AKAP9: variants seen among roughly 807,000 people sequenced by gnomAD.
AKAP9 encodes the protein A-kinase anchoring protein 9.
Under a neutral mutation model 488.5 loss-of-function variants are expected in AKAP9, and 311 were observed. The ratio of observed to expected loss-of-function variants is 0.64; its 90% CI spans 0.58 to 0.70. The LOEUF (loss-of-function observed/expected upper bound fraction) is 0.70, where lower values mean the gene tolerates loss of function less well. Among genes scored for constraint, AKAP9 ranks in the 30% least tolerant of loss-of-function variants. The pLI is 0.00. For synonymous variants in AKAP9, 1,462 were observed against 1,483.5 expected (o/e 0.99, Z 0.33); for missense variants, 4,215 against 4,374.5 (o/e 0.96, Z 1.03).
At chr7:92,066,584 T>G in intron 26 of AKAP9, 38 bp downstream of exon 26, 2 of 1,609,974 alleles carry the variant, frequency 1.2e-6, no homozygotes, top group East Asian at 2.2e-5. Flanking sequence ...TTACAGTAAT[T>G]TGTATCAAGT....
intron 8 of AKAP9, among the ~76,000 whole-genome samples, chr7:92,005,550 T>C (rs1393800229): frequency 6.6e-6 from 1 of 152,226 alleles, no homozygotes; most frequent in Non-Finnish European, 1.5e-5. Flanking sequence ...ATCATATTTA[T>C]GATCTTATAT....
chr7:92,107,733 C>T (rs1336124105), intron 48 of AKAP9: 1 of 280,132 alleles, frequency 3.6e-6, no homozygotes, highest in Non-Finnish European at 7.0e-6. Flanking sequence ...CGCCTGTGGT[C>T]CCAGCTACTT....
chr7:91,999,256 C>T (rs192712795), intron 7 of AKAP9, among the ~76,000 whole-genome samples: 296 of 152,244 alleles, frequency 1.9e-3, no homozygotes, highest in African/African-American at 6.6e-3. Flanking sequence ...GACAGAGTCT[C>T]GCTCTGTCTC....
At chr7:91,991,305 T>TA (rs11437285) in intron 3 of AKAP9, among the ~76,000 whole-genome samples, 62,745 of 151,734 alleles carry the variant, frequency 0.41, 13,447 homozygotes, top group African/African-American at 0.51. Flanking sequence ...ATCTTTTAAT[T>TA]AAAAAAATTT....
At chr7:92,000,748 A>G (rs1799051334) in intron 7 of AKAP9, 100 bp from the exon 8 acceptor site, 7 of 667,628 alleles carry the variant, frequency 1.0e-5, no homozygotes, top group Non-Finnish European at 1.7e-5. Flanking sequence ...GAATTTTTTA[A>G]AAGAGAAACT....
chr7:92,077,976 AATTTT>A (rs553954803), intron 30 of AKAP9, 101 bp downstream of exon 30: 23 of 766,476 alleles, frequency 3.0e-5, no homozygotes, highest in Non-Finnish European at 3.9e-5. Flanking sequence ...AAAACAAACC[AATTTT>A]ATTTTATTTT....
chr7:92,040,412 A>G (rs1438115733), intron 17 of AKAP9, among the ~76,000 whole-genome samples: 3 of 152,164 alleles, frequency 2.0e-5, no homozygotes, highest in Non-Finnish European at 4.4e-5. Context: ...TTCTATTAGA[A>G]TTAGATTAAG....
At chr7:92,066,641 C>A in intron 26 of AKAP9, 95 bp downstream of exon 26, 1 of 1,451,916 alleles carries the variant, frequency 6.9e-7, no homozygotes, top group Non-Finnish European at 9.6e-7. Context: ...GGATTCTTTC[C>A]TTTGTATGTA....
chr7:91,945,144 T>G (rs377485128), intron 1 of AKAP9, among the ~76,000 whole-genome samples: 4 of 152,292 alleles, frequency 2.6e-5, no homozygotes, highest in African/African-American at 9.6e-5. Flanking sequence ...GAGGATCGCT[T>G]GAGCCCAGAG....
In AKAP9 at chr7:92,102,749, T is replaced by A; in HGVS notation, c.11253T>A (p.Asp3751Glu). ...TGGGGGGGCAGCCAGCTTTCACGGA[T>A]CTAGAGGTGATCACCAATCGCCCAA... ...ARMGGQPAFTDLEVITNRPKG... is the reference protein window; with the variant it reads ...ARMGGQPAFTELEVITNRPKG... Residue 3751 changes from aspartate to glutamate, a missense_variant, in exon 46 of 50, where the codon GAT becomes GAA. Around this residue, in one of 5 missense-constraint regions of AKAP9, gnomAD observed 253 missense variants for 266.8 expected, o/e 0.95. Coordinates refer to ENST00000356239, the MANE Select transcript of AKAP9 (RefSeq NM_005751.5). The A allele has an allele frequency of 6.2e-7, 1 of 1,614,186 alleles. No individual in the cohort carries two copies. Among genetic ancestry groups the A allele is most frequent in the African/African-American group, 1.3e-5 (1 of 75,042 alleles).
intron 14 of AKAP9, among the ~76,000 whole-genome samples, chr7:92,029,553 G>A (rs372945793): frequency 4.6e-5 from 7 of 152,258 alleles, no homozygotes; most frequent in South Asian, 2.1e-4. Flanking sequence ...AGGCTGAGGC[G>A]GGAGGATCAC....
chr7:92,045,354 A>G, intron 21 of AKAP9, 141 bp downstream of exon 21: 2 of 787,064 alleles, frequency 2.5e-6, no homozygotes, highest in East Asian at 5.3e-5. Context: ...CATTAGAGCA[A>G]CTCTTTTCAA....
At position 92,052,837 on chromosome 7, in the gene AKAP9, G is replaced by A. The variant is rs768140121; in HGVS notation, c.5480G>A (p.Arg1827Lys). ...EGTELSQRLV[R>K]SGFAGTEIDP... The stretch of plus-strand genomic sequence containing the variant: ...ACAGAGCTGTCACAACGACTTGTGA[G>A]GAGTGGTTTTGCTGGAACTGAAATA... The change falls in exon 22 of 50, where the codon AGG (arginine) becomes AAG (lysine). Residue 1827 changes from arginine (R) to lysine (K), a missense_variant. By Grantham distance (26) the Arg-to-Lys change is conservative. Coordinates refer to ENST00000356239, the MANE Select transcript of AKAP9 (RefSeq NM_005751.5). 6.2e-7 allele frequency: 1 copy of A among 1,613,818 alleles called. No individual in the cohort carries two copies. The highest frequency in any genetic ancestry group is 8.5e-7 in the Non-Finnish European group (1 of 1,179,830).
rs750450967 is a variant in AKAP9 at position 92,061,237 on chromosome 7, G to T, written c.5602-23G>T. The stretch of plus-strand genomic sequence containing the variant: ...ATTTCCACACTTTATTTTCTTTTAT[G>T]TATTGTTTCCCTCTTTGTTTAGCTT... On this transcript the variant is annotated intron_variant, in intron 22 of 49. Transcript: ENST00000356239. The T allele has an allele frequency of 1.4e-5, 22 of 1,609,188 alleles. No homozygotes were observed. In the African/African-American group the frequency reaches 2.7e-4, roughly 20 times the overall value.
At position 92,041,184 on chromosome 7, in the gene AKAP9, C is replaced by T. The variant is rs767031369; in HGVS notation, c.4917+286C>T. 2.8e-5 allele frequency: 10 copies of T among 361,408 alleles called. No individual in the cohort carries two copies. The East Asian group carries it at 2.9e-4, about 11-fold the overall frequency. The allele number at this position is 361,408 out of a possible 1,614,324, so 22.4% of individuals were successfully genotyped here. A position where few individuals can be genotyped will look rare whatever the true frequency, so the allele number is the denominator to read the frequency against. ...TTCAAGCACTGGAAAAGTGGCTACA[C>T]GGTTTTGTTTTTTTCTTTTAAATCA... On this transcript the variant is annotated intron_variant, in intron 18 of 49. Coordinates refer to ENST00000356239, the MANE Select transcript of AKAP9 (RefSeq NM_005751.5).
chr7:91,995,975 T>C, intron 7 of AKAP9, 175 bp downstream of exon 7: 1 of 620,070 alleles, frequency 1.6e-6, no homozygotes, highest in Non-Finnish European at 2.8e-6. Flanking sequence ...TTTAAGATAA[T>C]AGTCATTACT....
chr7:91,992,286 T>C (rs1797848992), intron 4 of AKAP9, 75 bp downstream of exon 4: 1 of 1,079,726 alleles, frequency 9.3e-7, no homozygotes, highest in Non-Finnish European at 1.4e-6. Flanking sequence ...AACAAAACTT[T>C]TTCCTGCATG....
chr7:92,011,011 T>A (rs1489430800), intron 8 of AKAP9, among the ~76,000 whole-genome samples: 3 of 152,012 alleles, frequency 2.0e-5, no homozygotes, highest in African/African-American at 7.3e-5. Flanking sequence ...TAACTCATAA[T>A]TTTTTTTCAA....
At chr7:92,053,842 A>G (rs1446177563) in intron 22 of AKAP9, among the ~76,000 whole-genome samples, 1 of 152,126 alleles carries the variant, frequency 6.6e-6, no homozygotes, top group Non-Finnish European at 1.5e-5. Flanking sequence ...CCCCAGACCT[A>G]CTGAAACTGA....
Sources: gnomAD v4.1 joint callset for allele counts (sites outside exome capture counted in the v4.1 genomes callset) on GRCh38, gnomAD v4.1.1 for gene constraint, gnomAD v4.1.1 regional missense constraint, MANE v1.5 for transcripts, NCBI Gene and HGNC (gene_info 2026-07-23, HGNC 2026-07-21) for gene names.